The following NCOA1 variants were observed in gnomAD, a reference collection of about 807,000 sequenced individuals.
The protein encoded by NCOA1 is Hin-2 protein.
A neutral mutation model predicts 150.9 loss-of-function variants in NCOA1; 35 were observed. The ratio of observed to expected loss-of-function variants is 0.23; its 90% CI spans 0.18 to 0.31. The LOEUF is 0.31. NCOA1 is among the 10% of genes least tolerant of loss of function. NCOA1 has a pLI of 1.00. For synonymous variants in NCOA1, 590 were observed against 630.0 expected (o/e 0.94, Z 0.95); for missense variants, 1,491 against 1,749.3 (o/e 0.85, Z 2.63).
chr2:24,533,881 C>T (rs1053172926), intron 1 of NCOA1, among the ~76,000 whole-genome samples: 1 of 152,122 alleles, frequency 6.6e-6, no homozygotes, highest in African/African-American at 2.4e-5. Context: ...CGTTGTTCAT[C>T]AGGGATATTG....
At chr2:24,583,528 C>T (rs2148314788) in intron 2 of NCOA1, among the ~76,000 whole-genome samples, 1 of 152,238 alleles carries the variant, frequency 6.6e-6, no homozygotes, top group Non-Finnish European at 1.5e-5. Flanking sequence ...TGTGTTTCAG[C>T]AATCCCACTA....
intron 3 of NCOA1, among the ~76,000 whole-genome samples, chr2:24,593,402 G>A (rs1330358017): frequency 6.6e-6 from 1 of 151,998 alleles, no homozygotes; most frequent in Non-Finnish European, 1.5e-5. Flanking sequence ...AGCATGATGG[G>A]AATTTGGATG....
At chr2:24,664,209 A>T (rs1243666225) in intron 5 of NCOA1, among the ~76,000 whole-genome samples, 1 of 152,216 alleles carries the variant, frequency 6.6e-6, no homozygotes, top group African/African-American at 2.4e-5. Context: ...GAGTTATAAA[A>T]TACAATTTTA....
At chr2:24,517,515 A>G (rs1032569873) in intron 1 of NCOA1, among the ~76,000 whole-genome samples, 1 of 152,134 alleles carries the variant, frequency 6.6e-6, no homozygotes, top group African/African-American at 2.4e-5. Context: ...TCACACTGAC[A>G]GGGTGTTGTT....
intron 2 of NCOA1, among the ~76,000 whole-genome samples, chr2:24,580,640 G>A (rs974647799): frequency 7.9e-5 from 12 of 151,960 alleles, no homozygotes; most frequent in African/African-American, 2.9e-4. Flanking sequence ...TTTGCAGTAT[G>A]TTCTTTATAT....
chr2:24,512,015 A>G (rs1018491071), intron 1 of NCOA1, among the ~76,000 whole-genome samples: 6 of 152,028 alleles, frequency 3.9e-5, no homozygotes, highest in African/African-American at 9.7e-5. Context: ...TGATTCTGCC[A>G]CTTCATTTGT....
chr2:24,634,137 A>G (rs1315749009), intron 3 of NCOA1, among the ~76,000 whole-genome samples: 1 of 151,806 alleles, frequency 6.6e-6, no homozygotes, highest in Non-Finnish European at 1.5e-5. Flanking sequence ...GGATATGTGT[A>G]TGTCCTAAAA....
At chr2:24,554,911 A>C (rs1666012589) in intron 1 of NCOA1, among the ~76,000 whole-genome samples, 1 of 152,126 alleles carries the variant, frequency 6.6e-6, no homozygotes, top group Non-Finnish European at 1.5e-5. Context: ...GTTTTGATGA[A>C]TGTTGTACCT....
At chr2:24,658,087 A>G (rs1463378272) in intron 4 of NCOA1, among the ~76,000 whole-genome samples, 1 of 152,188 alleles carries the variant, frequency 6.6e-6, no homozygotes, top group East Asian at 1.9e-4. Flanking sequence ...TAAACATTTG[A>G]TCTTTGTTGC....
intron 16 of NCOA1, among the ~76,000 whole-genome samples, chr2:24,728,861 A>C (rs971116801): frequency 6.6e-6 from 1 of 152,236 alleles, no homozygotes; most frequent in African/African-American, 2.4e-5. Context: ...ACTTTAGTGC[A>C]TCTTGACCAG....
At chr2:24,502,598 T>C (rs1663511564) in intron 1 of NCOA1, among the ~76,000 whole-genome samples, 1 of 152,182 alleles carries the variant, frequency 6.6e-6, no homozygotes, top group African/African-American at 2.4e-5. Flanking sequence ...ATTTAAACCT[T>C]TCCAGTGTTT....
chr2:24,699,101 C>T (rs1572609131), intron 11 of NCOA1, among the ~76,000 whole-genome samples: 2 of 152,068 alleles, frequency 1.3e-5, no homozygotes, highest in South Asian at 2.1e-4. Context: ...TAACTAATGC[C>T]GTCCACTGGA....
intron 3 of NCOA1, among the ~76,000 whole-genome samples, chr2:24,589,471 T>A (rs920832737): frequency 1.3e-5 from 2 of 152,154 alleles, no homozygotes; most frequent in African/African-American, 4.8e-5. Context: ...TAAGGTACAT[T>A]TCCTAAATGT....
intron 14 of NCOA1, among the ~76,000 whole-genome samples, chr2:24,712,504 A>G (rs1359199787): frequency 6.6e-6 from 1 of 152,212 alleles, no homozygotes; most frequent in African/African-American, 2.4e-5. Context: ...AGAAGAGACA[A>G]GCCTGGCACT....
chr2:24,763,974 G>A (rs1267751899), intron 22 of NCOA1, among the ~76,000 whole-genome samples: 1 of 152,118 alleles, frequency 6.6e-6, no homozygotes, highest in Non-Finnish European at 1.5e-5. Flanking sequence ...GCCACAGATG[G>A]CAGTAGGAAG....
chr2:24,576,270 AAC>A (rs1169750806), intron 2 of NCOA1, among the ~76,000 whole-genome samples: 1 of 145,696 alleles, frequency 6.9e-6, no homozygotes, highest in Non-Finnish European at 1.5e-5. Flanking sequence ...AGCTTGTGGG[AAC>A]TCCTTTGCAT....
chr2:24,671,981 T>C (rs761626392), intron 6 of NCOA1, among the ~76,000 whole-genome samples: 1 of 152,208 alleles, frequency 6.6e-6, no homozygotes, highest in Non-Finnish European at 1.5e-5. Context: ...AATCTATATG[T>C]ATTCAGCACA....
intron 1 of NCOA1, among the ~76,000 whole-genome samples, chr2:24,555,437 C>T (rs1293249814): frequency 2.0e-5 from 3 of 152,086 alleles, no homozygotes; most frequent in Non-Finnish European, 2.9e-5. Flanking sequence ...AGTTTTTGCT[C>T]GTGTAGAGTG....
intron 1 of NCOA1, among the ~76,000 whole-genome samples, chr2:24,541,090 A>G (rs1377509211): frequency 3.3e-5 from 5 of 152,152 alleles, no homozygotes; most frequent in African/African-American, 9.7e-5. Flanking sequence ...AGGCTAGTGG[A>G]TATATGGATT....
Sources: gnomAD v4.1 joint callset for allele counts (sites outside exome capture counted in the v4.1 genomes callset) on GRCh38, gnomAD v4.1.1 for gene constraint, MANE v1.5 for transcripts, NCBI Gene and HGNC (gene_info 2026-07-23, HGNC 2026-07-21) for gene names.